Variants in MACF1 observed in about 807,000 individuals in gnomAD.
The protein encoded by MACF1 is microtubule actin crosslinking factor 1.
A neutral mutation model predicts 854.8 loss-of-function variants in MACF1; 193 were observed. The ratio of observed to expected loss-of-function variants is 0.23; its 90% confidence interval spans 0.20 to 0.25. The LOEUF is 0.25. Among genes scored for constraint, MACF1 ranks in the 10% least tolerant of loss-of-function variants. The pLI is 1.00. For synonymous variants in MACF1, 3,185 were observed against 3,226.7 expected, an observed-to-expected ratio of 0.99 and a Z score of 0.44; for missense variants, 7,722 against 8,929.1, an observed-to-expected ratio of 0.86 and a Z score of 5.45.
In MACF1 at chr1:39,343,465, A is replaced by G. The variant is rs1415742793; in HGVS notation, c.10581+2512A>G. 2.0e-5 allele frequency among the ~76,000 whole-genome samples: 3 copies of G among 152,198 alleles called. 1 individual carries two copies. Among genetic ancestry groups the G allele is most frequent in the Non-Finnish European group, 4.4e-5 (3 of 68,040 alleles). On this transcript the variant is annotated intron_variant, in intron 40 of 100. Coordinates refer to ENST00000564288, the MANE Select transcript of MACF1 (RefSeq NM_001394062.1). ...GAGTTTCAGACTTTATTCAGCCTTT[A>G]TCTGTTTGCTAAGATATTACAAAGA...
intron 2 of MACF1, among the ~76,000 whole-genome samples, chr1:39,148,610 CA>C (rs988420538): frequency 1.3e-5 from 2 of 152,102 alleles, no homozygotes; most frequent in African/African-American, 4.8e-5. Context: ...CTTTCAGTGT[CA>C]AAAATATGTA....
chr1:39,475,177 T>G (rs543076426), intron 97 of MACF1, among the ~76,000 whole-genome samples: 7 of 152,276 alleles, frequency 4.6e-5, no homozygotes, highest in African/African-American at 1.7e-4. Context: ...CAGGGAAATA[T>G]AGAGGACCAA....
chr1:39,211,230 A>G (rs919375016), intron 1 of MACF1, among the ~76,000 whole-genome samples: 5 of 152,118 alleles, frequency 3.3e-5, no homozygotes, highest in Admixed American at 1.3e-4. Flanking sequence ...GGCCTCTCAG[A>G]GTTCTGGGAT....
intron 49 of MACF1, among the ~76,000 whole-genome samples, chr1:39,363,461 A>G (rs1648379878): frequency 6.6e-6 from 1 of 152,138 alleles, no homozygotes; most frequent in Non-Finnish European, 1.5e-5. Flanking sequence ...AGAAGGGTAT[A>G]TTACGTAATC....
At chr1:39,438,360 T>C (rs546081862) in intron 71 of MACF1, among the ~76,000 whole-genome samples, 2 of 152,348 alleles carry the variant, frequency 1.3e-5, no homozygotes, top group African/African-American at 4.8e-5. Flanking sequence ...AGTTCTCATC[T>C]TAGCCCTTTT....
chr1:39,234,529 G>T (rs1644829819), intron 2 of MACF1, among the ~76,000 whole-genome samples: 1 of 123,820 alleles, frequency 8.1e-6, no homozygotes, highest in Admixed American at 7.7e-5. Context: ...GGACGGGGCG[G>T]CTGGCCTGGC....
At chr1:39,163,340 CAAAAAAAAAAA>C (rs11371076) in intron 2 of MACF1, among the ~76,000 whole-genome samples, 1 of 80,358 alleles carries the variant, frequency 1.2e-5, no homozygotes, top group South Asian at 4.9e-4. Flanking sequence ...AAGACTGTCT[CAAAAAAAAAAA>C]AAAAAAAAAG....
intron 2 of MACF1, among the ~76,000 whole-genome samples, chr1:39,238,700 A>G (rs74066716): frequency 0.015 from 2,333 of 152,272 alleles, 52 homozygotes; most frequent in African/African-American, 0.053. Flanking sequence ...ACATCATAGC[A>G]TTGTTAGAAA....
At chr1:39,308,286 C>T (rs1053997791) in intron 23 of MACF1, among the ~76,000 whole-genome samples, 1 of 152,118 alleles carries the variant, frequency 6.6e-6, no homozygotes, top group East Asian at 1.9e-4. Context: ...ACCTCCTGAA[C>T]TAATTTTCTA....
In MACF1 at chr1:39,310,698, T is replaced by G. The variant is rs1646282257; in HGVS notation, c.3101-133T>G. The G allele has an allele frequency of 1.6e-5, 15 of 912,228 alleles. No homozygotes were observed. The East Asian group carries it at 4.0e-4, about 24-fold the overall frequency. The allele number at this position is 912,228 out of a possible 1,614,324, so 56.5% of individuals were successfully genotyped here. A position where few individuals can be genotyped will look rare whatever the true frequency, so the allele number is the denominator to read the frequency against. On this transcript the variant is annotated intron_variant, in intron 25 of 100. Coordinates refer to ENST00000564288, the MANE Select transcript of MACF1 (RefSeq NM_001394062.1). ...TGGACTCTCAAAGATTAGTATACAG[T>G]ATGTGAAATTTAGGATCAGGTAGGA...
chr1:39,085,743 G>A (rs948528649), intron 2 of MACF1, among the ~76,000 whole-genome samples: 2 of 152,010 alleles, frequency 1.3e-5, no homozygotes, highest in Non-Finnish European at 2.9e-5. Flanking sequence ...GCCCCTCATT[G>A]CCTGTGGAAT....
In MACF1 at chr1:39,173,241, G is replaced by A. The variant is rs1643976546; in HGVS notation, c.221-57941G>A. On this transcript the variant is annotated intron_variant, in intron 2 of 93. Coordinates refer to the MACF1 transcript ENST00000361689. ...TGTAGTCCCAGCTATTCGGGAGGCT[G>A]AGGCAGGGGAATCACTTGAACCTGG... Among the ~76,000 whole-genome samples, 4 of 151,654 alleles carry A rather than the reference G, an allele frequency of 2.6e-5. No individual in the cohort carries two copies. The South Asian group carries it at 8.3e-4, about 32-fold the overall frequency.
intron 41 of MACF1, among the ~76,000 whole-genome samples, chr1:39,348,849 A>G (rs1647115614): frequency 6.6e-6 from 1 of 152,204 alleles, no homozygotes; most frequent in Non-Finnish European, 1.5e-5. Flanking sequence ...CTTTGATATT[A>G]GTGTAGACAC....
At chr1:39,104,992 C>T (rs1642183091) in intron 2 of MACF1, among the ~76,000 whole-genome samples, 1 of 152,344 alleles carries the variant, frequency 6.6e-6, no homozygotes, top group South Asian at 2.1e-4. Context: ...CCTCCTTTGT[C>T]CCGCTCCCGG....
At chr1:39,117,438 G>C (rs1484404779) in intron 2 of MACF1, among the ~76,000 whole-genome samples, 1 of 152,110 alleles carries the variant, frequency 6.6e-6, no homozygotes, top group Non-Finnish European at 1.5e-5. Flanking sequence ...ACACTGGGGA[G>C]TGGAAGTATG....
In MACF1 at chr1:39,302,929, T is replaced by C. The variant is rs1406783508; in HGVS notation, c.2640T>C (p.Thr880=). 6.2e-7 allele frequency: 1 copy of C among 1,613,874 alleles called. No homozygotes were observed. The highest frequency in any genetic ancestry group is 2.2e-5 in the East Asian group (1 of 44,870). The part of the protein sequence containing the change: ...AVCDYRQIEI[T]ICKNDECVLE... ...TGGTAAATTTATCTCTTCAGATTAC[T>C]ATTTGCAAAAATGATGAATGTGTGC... Residue 880 remains threonine, a synonymous_variant, in exon 23 of 101, where the codon ACT becomes ACC. Coordinates refer to ENST00000564288, the MANE Select transcript of MACF1 (RefSeq NM_001394062.1).
intron 2 of MACF1, among the ~76,000 whole-genome samples, chr1:39,137,476 C>T (rs1001278296): frequency 3.9e-5 from 6 of 152,174 alleles, no homozygotes; most frequent in Non-Finnish European, 7.3e-5. Context: ...ACAGATCCTC[C>T]CACCTCAGTT....
At chr1:39,454,218 C>T (rs1644391951) in intron 88 of MACF1, among the ~76,000 whole-genome samples, 1 of 152,192 alleles carries the variant, frequency 6.6e-6, no homozygotes, top group African/African-American at 2.4e-5. Flanking sequence ...TTGGTGGGGT[C>T]CACATTCACA....
chr1:39,123,816 T>C (rs1967206), intron 2 of MACF1, among the ~76,000 whole-genome samples: 136,484 of 149,060 alleles, frequency 0.92, 63,298 homozygotes, highest in South Asian at 0.99. Context: ...CTCTGCCTCC[T>C]GGGTTCAAGC....
Sources: allele counts gnomAD v4.1 joint callset (sites outside exome capture counted in the v4.1 genomes callset), GRCh38; gene constraint gnomAD v4.1.1; transcripts MANE v1.5; gene names NCBI Gene and HGNC (gene_info 2026-07-23, HGNC 2026-07-21).